The following SLMAP variants were observed in gnomAD, a reference collection of about 807,000 sequenced individuals.
The protein encoded by SLMAP is sarcolemmal membrane-associated protein.
Under a neutral mutation model 128.8 loss-of-function variants are expected in SLMAP, and 44 were observed. The ratio of observed to expected loss-of-function variants is 0.34; its 90% CI spans 0.27 to 0.44. The LOEUF (loss-of-function observed/expected upper bound fraction) is 0.44, where lower values mean the gene tolerates loss of function less well. SLMAP is among the 20% of genes least tolerant of loss of function. SLMAP has a pLI of 1.00. For missense variants in SLMAP, 787 were observed against 985.3 expected (o/e 0.80, Z 2.69); for synonymous variants, 327 against 348.8 (o/e 0.94, Z 0.70).
intron 2 of SLMAP, among the ~76,000 whole-genome samples, chr3:57,794,281 T>G (rs1170147428): frequency 6.6e-6 from 1 of 152,202 alleles, no homozygotes; most frequent in African/African-American, 2.4e-5. Context: ...TTTTGGCATT[T>G]CTATCTTTGT....
At chr3:57,923,635 G>A (rs1258011429) in intron 23 of SLMAP, among the ~76,000 whole-genome samples, 3 of 152,190 alleles carry the variant, frequency 2.0e-5, no homozygotes, top group East Asian at 3.8e-4. Flanking sequence ...TGTGTTGTAC[G>A]TTTTGGTGAT....
chr3:57,788,375 G>T (rs2084699077), intron 2 of SLMAP, among the ~76,000 whole-genome samples: 1 of 152,066 alleles, frequency 6.6e-6, no homozygotes, highest in African/African-American at 2.4e-5. Flanking sequence ...TTGGCTTTGT[G>T]CCTAGAGGCA....
chr3:57,862,362 A>C (rs959665676), intron 10 of SLMAP, among the ~76,000 whole-genome samples: 1 of 151,934 alleles, frequency 6.6e-6, no homozygotes, highest in African/African-American at 2.4e-5. Context: ...AGTTTGGGCC[A>C]GGCGCAGTGG....
At chr3:57,871,355 A>C (rs1171522832) in intron 13 of SLMAP, among the ~76,000 whole-genome samples, 1 of 152,214 alleles carries the variant, frequency 6.6e-6, no homozygotes, top group Non-Finnish European at 1.5e-5. Context: ...TCTAGTGGAC[A>C]AAAGGTGGAA....
intron 22 of SLMAP, among the ~76,000 whole-genome samples, chr3:57,919,669 C>T (rs1418900166): frequency 6.6e-6 from 1 of 151,868 alleles, no homozygotes; most frequent in Non-Finnish European, 1.5e-5. Context: ...TGGCGCATGC[C>T]TGTAATCCCA....
rs141567670 is a variant in SLMAP, at chr3:57,802,155, G to A, written c.199-29228G>A. Among the ~76,000 whole-genome samples, 399 of 151,986 alleles carry A rather than the reference G, an allele frequency of 2.6e-3. 2 individuals carry two copies. The highest frequency in any genetic ancestry group is 8.7e-3 in the African/African-American group (359 of 41,448). Reference sequence around the variant, plus strand: ...TTTTTTTGTCATTCTATACAGTTACGCAACGATCACTGTAATTCAGCTGTA... The same window carrying A: ...TTTTTTTGTCATTCTATACAGTTACACAACGATCACTGTAATTCAGCTGTA... On this transcript the variant is annotated intron_variant, in intron 2 of 24. Coordinates refer to ENST00000671191, the MANE Select transcript of SLMAP (RefSeq NM_001377540.1).
chr3:57,808,081 G>A (rs2090240581), intron 2 of SLMAP, among the ~76,000 whole-genome samples: 1 of 152,082 alleles, frequency 6.6e-6, no homozygotes, highest in Non-Finnish European at 1.5e-5. Flanking sequence ...TCTGTTGGTA[G>A]TTTGTATTTC....
chr3:57,839,209 G>A (rs1421629276), intron 3 of SLMAP, among the ~76,000 whole-genome samples: 1 of 151,966 alleles, frequency 6.6e-6, no homozygotes, highest in Non-Finnish European at 1.5e-5. Context: ...ACAGCACTGG[G>A]ATTAGGGGTG....
chr3:57,907,828 T>C, intron 17 of SLMAP, 56 bp from the exon 18 acceptor site: 1 of 1,536,694 alleles, frequency 6.5e-7, no homozygotes, highest in Admixed American at 1.9e-5. Flanking sequence ...AGTCTTTTAT[T>C]GTAGATTATA....
At chr3:57,902,584 G>A (rs528078821) in intron 17 of SLMAP, among the ~76,000 whole-genome samples, 2 of 152,200 alleles carry the variant, frequency 1.3e-5, no homozygotes, top group Admixed American at 1.3e-4. Flanking sequence ...TCTGAACTAG[G>A]GTAATTACTG....
At chr3:57,781,698 C>G (rs527318661) in intron 2 of SLMAP, among the ~76,000 whole-genome samples, 2 of 148,130 alleles carry the variant, frequency 1.4e-5, no homozygotes, top group Non-Finnish European at 3.0e-5. Flanking sequence ...TGTAACTATA[C>G]AAGCTATTCT....
rs2095079542 is a variant in SLMAP at position 57,861,822 on chromosome 3, G to A, written c.829-127G>A. On this transcript the variant is annotated intron_variant, in intron 9 of 24. Coordinates refer to ENST00000671191, the MANE Select transcript of SLMAP (RefSeq NM_001377540.1). Reference sequence around the variant, plus strand: ...GTTATTTGACTCAGCTTTATTTAAAGTCCAGGGCAGATGTTGATTTAGAAT... The same window carrying A: ...GTTATTTGACTCAGCTTTATTTAAAATCCAGGGCAGATGTTGATTTAGAAT... The A allele has an allele frequency of 1.1e-5, 8 of 736,370 alleles. No homozygotes were observed. In the South Asian group the frequency reaches 1.2e-4, roughly 11 times the overall value. The allele number at this position is 736,370 out of a possible 1,614,324, so 45.6% of individuals were successfully genotyped here. A position where few individuals can be genotyped will look rare whatever the true frequency, so the allele number is the denominator to read the frequency against.
intron 19 of SLMAP, among the ~76,000 whole-genome samples, chr3:57,909,689 T>C (rs1352592925): frequency 1.3e-5 from 2 of 151,476 alleles, no homozygotes; most frequent in Admixed American, 6.6e-5. Context: ...CTCACCTTAC[T>C]GCAACCTCCG....
chr3:57,776,487 A>G (rs569534565), intron 2 of SLMAP, among the ~76,000 whole-genome samples: 6 of 144,794 alleles, frequency 4.1e-5, no homozygotes, highest in South Asian at 4.4e-4. Flanking sequence ...AATTTCCACA[A>G]TTCTCCCTGA....
chr3:57,855,021 G>T (rs1229130066), intron 6 of SLMAP, among the ~76,000 whole-genome samples: 1 of 152,162 alleles, frequency 6.6e-6, no homozygotes, highest in African/African-American at 2.4e-5. Flanking sequence ...ACTGAAGGCA[G>T]TTGTAACACA....
chr3:57,895,153 A>G (rs1422959958), intron 15 of SLMAP, among the ~76,000 whole-genome samples: 1 of 151,698 alleles, frequency 6.6e-6, no homozygotes, highest in Non-Finnish European at 1.5e-5. Context: ...ATTCCATAGT[A>G]TGTACAGATG....
At chr3:57,849,256 A>G (rs772939363) in intron 5 of SLMAP, among the ~76,000 whole-genome samples, 12 of 152,136 alleles carry the variant, frequency 7.9e-5, no homozygotes, top group Non-Finnish European at 1.3e-4. Context: ...AAAAACCCTT[A>G]TAGAAGATAT....
intron 6 of SLMAP, among the ~76,000 whole-genome samples, chr3:57,854,965 A>C (rs1448069961): frequency 6.6e-6 from 1 of 152,224 alleles, no homozygotes; most frequent in African/African-American, 2.4e-5. Flanking sequence ...AGTGTAGCCT[A>C]TTGCTCCTAG....
At chr3:57,913,995 AAAG>A (rs2096756340) in intron 21 of SLMAP, among the ~76,000 whole-genome samples, 1 of 152,092 alleles carries the variant, frequency 6.6e-6, no homozygotes, top group African/African-American at 2.4e-5. Flanking sequence ...TGTGCTACTG[AAAG>A]ATATAAATTA....
Sources: gnomAD v4.1 joint callset for allele counts (sites outside exome capture counted in the v4.1 genomes callset) on GRCh38, gnomAD v4.1.1 for gene constraint, MANE v1.5 for transcripts, NCBI Gene and HGNC (gene_info 2026-07-23, HGNC 2026-07-21) for gene names.